Variants in LCLAT1 observed in about 807,000 individuals in gnomAD.
LCLAT1 encodes the protein 1-AGP acyltransferase 8.
LCLAT1 carries 11 observed loss-of-function variants against 30.7 expected under a neutral mutation model. The observed-to-expected ratio is 0.36, with a 90% CI of 0.23 to 0.59. The LOEUF (loss-of-function observed/expected upper bound fraction) is 0.59, where lower values mean the gene tolerates loss of function less well. Among genes scored for constraint, LCLAT1 ranks in the 20% least tolerant of loss-of-function variants. The pLI is 0.77. For synonymous variants in LCLAT1, 155 were observed against 151.3 expected, an observed-to-expected ratio of 1.02 and a Z score of -0.18; for missense variants, 402 against 458.6, an observed-to-expected ratio of 0.88 and a Z score of 1.13.
intron 1 of LCLAT1, among the ~76,000 whole-genome samples, chr2:30,461,310 A>G (rs563247606): frequency 1.6e-4 from 24 of 152,324 alleles, no homozygotes; most frequent in African/African-American, 5.8e-4. Flanking sequence ...ACCCTTTGAC[A>G]GGCATTGTGG....
intron 1 of LCLAT1, among the ~76,000 whole-genome samples, chr2:30,457,497 C>G (rs1270956181): frequency 6.6e-6 from 1 of 152,152 alleles, no homozygotes; most frequent in African/African-American, 2.4e-5. Context: ...ATTATTCTTG[C>G]CCTTTTACAT....
intron 2 of LCLAT1, among the ~76,000 whole-genome samples, chr2:30,529,022 A>G (rs1014646758): frequency 6.6e-6 from 1 of 152,192 alleles, no homozygotes; most frequent in African/African-American, 2.4e-5. Flanking sequence ...TTTTTAAGCA[A>G]TAATAAAATA....
chr2:30,548,080 T>C (rs1664508324), intron 3 of LCLAT1, among the ~76,000 whole-genome samples: 1 of 152,172 alleles, frequency 6.6e-6, no homozygotes. Flanking sequence ...AGCAATTCTA[T>C]TGGTATTTGA....
chr2:30,472,929 T>A (rs968006721), intron 1 of LCLAT1, among the ~76,000 whole-genome samples: 24 of 152,278 alleles, frequency 1.6e-4, no homozygotes, highest in African/African-American at 5.3e-4. Context: ...GAAAAAAGAT[T>A]GGCTGTGGAT....
intron 1 of LCLAT1, among the ~76,000 whole-genome samples, chr2:30,456,216 T>G (rs554572952): frequency 6.6e-6 from 1 of 152,296 alleles, no homozygotes; most frequent in South Asian, 2.1e-4. Context: ...AGCCCCTCTT[T>G]AGGACTCTAC....
intron 1 of LCLAT1, among the ~76,000 whole-genome samples, chr2:30,462,008 G>T (rs537408989): frequency 1.3e-5 from 2 of 151,796 alleles, no homozygotes; most frequent in Non-Finnish European, 2.9e-5. Flanking sequence ...TCCTGACCTC[G>T]TGATCCGCCC....
chr2:30,455,337 A>G (rs537507345), intron 1 of LCLAT1, among the ~76,000 whole-genome samples: 3 of 152,294 alleles, frequency 2.0e-5, no homozygotes, highest in East Asian at 3.9e-4. Flanking sequence ...TCTGGCTGCC[A>G]TAACAAACTA....
At chr2:30,590,764 G>A (rs1285037500) in intron 5 of LCLAT1, among the ~76,000 whole-genome samples, 1 of 151,900 alleles carries the variant, frequency 6.6e-6, no homozygotes, top group Non-Finnish European at 1.5e-5. Flanking sequence ...TCTGATACTT[G>A]AGCAAGGAAA....
chr2:30,486,996 A>G (rs1683589623), intron 1 of LCLAT1, among the ~76,000 whole-genome samples: 3 of 152,258 alleles, frequency 2.0e-5, no homozygotes, highest in South Asian at 2.1e-4. Context: ...GTTCCTGACT[A>G]TGCTAGTTCA....
chr2:30,561,186 A>G (rs905227271), intron 3 of LCLAT1, among the ~76,000 whole-genome samples: 1 of 151,642 alleles, frequency 6.6e-6, no homozygotes, highest in Non-Finnish European at 1.5e-5. Flanking sequence ...CAGGTGATTC[A>G]CCCGCCTCAG....
At chr2:30,635,423 GCTGT>G (rs1668976312) in intron 5 of LCLAT1, among the ~76,000 whole-genome samples, 1 of 152,050 alleles carries the variant, frequency 6.6e-6, no homozygotes, top group Admixed American at 6.5e-5. Context: ...CAAGGTGTAA[GCTGT>G]CTTTCTTCTC....
Position 30,533,157 on chromosome 2 carries a change from T to G in LCLAT1, c.207T>G (p.Thr69=). 1 of 1,614,088 alleles carries G rather than the reference T, an allele frequency of 6.2e-7. No individual in the cohort carries two copies. The part of the protein sequence containing the change: ...ETMFGVKVII[T]GDAFVPGERS... ...TGTTTGGTGTAAAAGTGATTATAAC[T>G]GGGGATGCATTTGTTCCTGGAGAAA... is the stretch of plus-strand genomic sequence containing the variant. The change falls in exon 3 of 6, where the codon ACT becomes ACG. Residue 69 remains threonine (T), a synonymous_variant. Transcript: ENST00000379509.
intron 1 of LCLAT1, among the ~76,000 whole-genome samples, chr2:30,514,158 T>G (rs1251589571): frequency 5.9e-5 from 9 of 152,254 alleles, no homozygotes; most frequent in Non-Finnish European, 1.2e-4. Flanking sequence ...CCTTTACTTG[T>G]AAGTACTACT....
intron 1 of LCLAT1, among the ~76,000 whole-genome samples, chr2:30,471,121 C>T (rs889648194): frequency 6.6e-6 from 1 of 151,908 alleles, no homozygotes; most frequent in African/African-American, 2.4e-5. Flanking sequence ...ACCATTTTGG[C>T]CATGCTGATC....
At chr2:30,550,330 A>G (rs1664625332) in intron 3 of LCLAT1, among the ~76,000 whole-genome samples, 2 of 152,232 alleles carry the variant, frequency 1.3e-5, no homozygotes, top group Non-Finnish European at 2.9e-5. Flanking sequence ...AATGGACTTT[A>G]TTCAGACTTC....
chr2:30,532,432 G>A (rs1287073614), intron 2 of LCLAT1, among the ~76,000 whole-genome samples: 1 of 151,998 alleles, frequency 6.6e-6, no homozygotes, highest in Non-Finnish European at 1.5e-5. Context: ...TCAATAATCA[G>A]CTTTTATTGT....
At chr2:30,595,479 A>G (rs553757422) in intron 5 of LCLAT1, among the ~76,000 whole-genome samples, 7 of 152,286 alleles carry the variant, frequency 4.6e-5, no homozygotes, top group African/African-American at 1.7e-4. Context: ...TGAACACATT[A>G]TGGCCATTCC....
intron 1 of LCLAT1, among the ~76,000 whole-genome samples, chr2:30,474,140 AT>A (rs1682934700): frequency 6.6e-6 from 1 of 152,242 alleles, no homozygotes; most frequent in African/African-American, 2.4e-5. Context: ...TAACCCACAA[AT>A]TTATATGGAG....
intron 3 of LCLAT1, among the ~76,000 whole-genome samples, chr2:30,554,615 T>C (rs145742029): frequency 1.1e-3 from 164 of 152,338 alleles, no homozygotes; most frequent in African/African-American, 3.8e-3. Context: ...ATTAATTGAA[T>C]TAATGAAAAA....
Sources: allele counts gnomAD v4.1 joint callset (sites outside exome capture counted in the v4.1 genomes callset), GRCh38; gene constraint gnomAD v4.1.1; transcripts MANE v1.5; gene names NCBI Gene and HGNC (gene_info 2026-07-23, HGNC 2026-07-21).